NRG2: variants seen among roughly 807,000 people sequenced by gnomAD.
NRG2 encodes the protein pro-neuregulin-2, membrane-bound isoform.
NRG2 carries 27 observed loss-of-function variants against 73.9 expected under a neutral mutation model. The ratio of observed to expected loss-of-function variants is 0.37; its 90% confidence interval spans 0.27 to 0.50. The LOEUF (loss-of-function observed/expected upper bound fraction) is 0.50, where lower values mean the gene tolerates loss of function less well. Ranked by LOEUF, NRG2 falls within the 20% of genes least tolerant of loss-of-function variation. NRG2 has a pLI of 0.96. For synonymous variants in NRG2, 532 were observed against 541.0 expected, an observed-to-expected ratio of 0.98 and a Z score of 0.23; for missense variants, 1,126 against 1,210.1, an observed-to-expected ratio of 0.93 and a Z score of 1.03.
intron 1 of NRG2, among the ~76,000 whole-genome samples, chr5:140,012,913 C>A (rs1759477545): frequency 6.6e-6 from 1 of 152,186 alleles, no homozygotes; most frequent in Admixed American, 6.5e-5. Flanking sequence ...TGCACACAAT[C>A]ACCTAGACTG....
intron 9 of NRG2, among the ~76,000 whole-genome samples, chr5:139,849,153 A>G (rs1377008762): frequency 6.6e-6 from 1 of 152,122 alleles, no homozygotes; most frequent in Non-Finnish European, 1.5e-5. Flanking sequence ...CAGAACGTTT[A>G]ATTCTACACG....
chr5:139,939,573 C>A (rs1753234171), intron 1 of NRG2, among the ~76,000 whole-genome samples: 1 of 151,986 alleles, frequency 6.6e-6, no homozygotes, highest in Non-Finnish European at 1.5e-5. Flanking sequence ...CCACATCTGG[C>A]CAGATTTCTT....
chr5:139,893,465 T>A (rs1028937737), intron 1 of NRG2, among the ~76,000 whole-genome samples: 1 of 152,172 alleles, frequency 6.6e-6, no homozygotes. Flanking sequence ...AAGTTCTGTG[T>A]GCACAAGAAA....
At position 139,852,200 on chromosome 5, in the gene NRG2, G is replaced by C. The variant is rs974064135; in HGVS notation, c.1544+232C>G. On this transcript the variant is annotated intron_variant, in intron 8 of 9. Coordinates refer to ENST00000361474, the MANE Select transcript of NRG2 (RefSeq NM_004883.3). This position sits in a 1 kb window ranked among gnomAD's most constrained non-coding sequence, Gnocchi z 4.4. ...TATGTGAGGGCCCTGACTATTTCCT[G>C]GTGCTCCCGAGGGAAGAAGGGAGCC... Among the ~76,000 whole-genome samples, 4 of 152,146 alleles carry C rather than the reference G, an allele frequency of 2.6e-5. No homozygotes were observed. The highest frequency in any genetic ancestry group is 2.4e-5 in the African/African-American group (1 of 41,420).
At chr5:139,946,162 T>C (rs995246757) in intron 1 of NRG2, among the ~76,000 whole-genome samples, 3 of 152,020 alleles carry the variant, frequency 2.0e-5, no homozygotes, top group Admixed American at 6.6e-5. Flanking sequence ...CAAAGCAATT[T>C]TGAAAAAGAA....
At chr5:139,989,245 C>T (rs759589972) in intron 1 of NRG2, among the ~76,000 whole-genome samples, 4 of 152,028 alleles carry the variant, frequency 2.6e-5, no homozygotes, top group Non-Finnish European at 4.4e-5. Flanking sequence ...ATGGCCACCA[C>T]TGGAGAACAA....
chr5:140,023,699 A>G (rs1355699284), intron 1 of NRG2, among the ~76,000 whole-genome samples: 1 of 152,160 alleles, frequency 6.6e-6, no homozygotes, highest in Non-Finnish European at 1.5e-5. Context: ...TTCCTTTTGG[A>G]GTCAGGAAGT....
At chr5:139,872,390 G>A (rs554436499) in intron 3 of NRG2, among the ~76,000 whole-genome samples, 1 of 152,220 alleles carries the variant, frequency 6.6e-6, no homozygotes, top group African/African-American at 2.4e-5. Flanking sequence ...AGAGATGTTG[G>A]GGGTAGGAGG....
At chr5:139,936,914 G>C (rs1752890743) in intron 1 of NRG2, among the ~76,000 whole-genome samples, 1 of 152,184 alleles carries the variant, frequency 6.6e-6, no homozygotes, top group Non-Finnish European at 1.5e-5. Flanking sequence ...TGATTCTCCT[G>C]TCTCAGCCTC....
chr5:139,985,270 G>A (rs1035068991), intron 1 of NRG2, among the ~76,000 whole-genome samples: 1 of 151,686 alleles, frequency 6.6e-6, no homozygotes, highest in Non-Finnish European at 1.5e-5. Flanking sequence ...AATCCTGGAG[G>A]TGGAGGCTGC....
intron 1 of NRG2, among the ~76,000 whole-genome samples, chr5:139,946,531 G>C (rs1351386093): frequency 6.6e-6 from 1 of 152,044 alleles, no homozygotes; most frequent in Non-Finnish European, 1.5e-5. Flanking sequence ...AAAAAACATA[G>C]ATGTATTTCT....
chr5:139,916,745 C>T (rs767905218), intron 1 of NRG2, among the ~76,000 whole-genome samples: 18 of 151,926 alleles, frequency 1.2e-4, no homozygotes, highest in Non-Finnish European at 1.8e-4. Flanking sequence ...TTTTTGTGGC[C>T]GAATAGTATT....
At chr5:139,922,669 A>T (rs536782641) in intron 1 of NRG2, among the ~76,000 whole-genome samples, 5 of 152,262 alleles carry the variant, frequency 3.3e-5, no homozygotes, top group Non-Finnish European at 7.3e-5. Flanking sequence ...TAGCAGCTTC[A>T]TACATCATTG....
intron 1 of NRG2, among the ~76,000 whole-genome samples, chr5:139,938,942 AAAGAAAGAAAGAAAG>A (rs1340160530): frequency 6.9e-6 from 1 of 145,400 alleles, no homozygotes; most frequent in Admixed American, 6.8e-5. Flanking sequence ...AGAAAGAAAG[AAAGAAAGAAAGAAAG>A]AAAAAAGAAG....
intron 1 of NRG2, among the ~76,000 whole-genome samples, chr5:140,002,719 GT>G (rs573818580): frequency 2.0e-5 from 3 of 152,086 alleles, no homozygotes; most frequent in Admixed American, 6.5e-5. Context: ...AATCACACGA[GT>G]TTTTTTTATT....
intron 1 of NRG2, among the ~76,000 whole-genome samples, chr5:139,890,532 G>T (rs1581876232): frequency 1.5e-5 from 2 of 137,862 alleles, no homozygotes; most frequent in Non-Finnish European, 1.5e-5. Context: ...ACAATCTGTT[G>T]GACTTTTTGG....
chr5:139,877,692 C>T (rs1436876674), intron 3 of NRG2, among the ~76,000 whole-genome samples: 1 of 152,186 alleles, frequency 6.6e-6, no homozygotes, highest in Non-Finnish European at 1.5e-5. Context: ...TGTGTGTGTG[C>T]GTACTGGTTA....
chr5:139,882,613 T>A (rs1407119610), intron 2 of NRG2, among the ~76,000 whole-genome samples: 1 of 152,064 alleles, frequency 6.6e-6, no homozygotes, highest in Non-Finnish European at 1.5e-5. Flanking sequence ...CCAAATTAGA[T>A]GCCACAAACT....
At chr5:139,959,969 C>A (rs936299770) in intron 1 of NRG2, among the ~76,000 whole-genome samples, 2 of 152,186 alleles carry the variant, frequency 1.3e-5, no homozygotes, top group African/African-American at 4.8e-5. Context: ...GATGCTGCAC[C>A]TCTATCCCTG....
Sources: gnomAD v4.1 joint callset for allele counts (sites outside exome capture counted in the v4.1 genomes callset) on GRCh38, gnomAD v4.1.1 for gene constraint, Gnocchi (gnomAD v3.1) non-coding constraint, MANE v1.5 for transcripts, NCBI Gene and HGNC (gene_info 2026-07-23, HGNC 2026-07-21) for gene names.